The following SYNE2 variants were observed in gnomAD, a reference collection of about 807,000 sequenced individuals.
SYNE2 encodes the protein nesprin-2.
Under a neutral mutation model 856.3 loss-of-function variants are expected in SYNE2, and 431 were observed. The observed-to-expected ratio is 0.50, with a 90% CI of 0.47 to 0.55. The LOEUF (loss-of-function observed/expected upper bound fraction) is 0.55. Among genes scored for constraint, SYNE2 ranks in the 20% least tolerant of loss-of-function variants. The pLI, the probability that SYNE2 is intolerant of heterozygous loss-of-function variation, is 0.00. For synonymous variants in SYNE2, 2,923 were observed against 2,872.3 expected (o/e 1.02, Z -0.56); for missense variants, 8,129 against 8,023.2 (o/e 1.01, Z -0.50).
chr14:64,038,662 G>A (rs1046662306), intron 45 of SYNE2, among the ~76,000 whole-genome samples: 5 of 152,226 alleles, frequency 3.3e-5, no homozygotes, highest in Admixed American at 1.3e-4. Context: ...CCAACACAGC[G>A]AAACCCGGTC....
chr14:64,162,260 C>A lies in SYNE2; in HGVS notation c.16283C>A (p.Ala5428Asp). 6.2e-7 allele frequency: 1 copy of A among 1,614,164 alleles called. No homozygotes were observed. Among genetic ancestry groups the A allele is most frequent in the Non-Finnish European group, 8.5e-7 (1 of 1,180,014 alleles). ...GNNLAEILPPALQDIKELQHD... is the reference protein window; with the variant it reads ...GNNLAEILPPDLQDIKELQHD... Reference sequence around the variant, plus strand: ...AACCTGGCAGAGATCCTGCCCCCAGCCCTGCAGGACATAAAGGTGGGTACA... The same window carrying A: ...AACCTGGCAGAGATCCTGCCCCCAGACCTGCAGGACATAAAGGTGGGTACA... Residue 5428 changes from alanine to aspartate, a missense_variant, in exon 88 of 116, where the codon GCC (alanine) becomes GAC (aspartate). By Grantham distance (126) the Ala-to-Asp change is moderately radical. This residue lies in a region of SYNE2 where 5,410 missense variants were observed against 5,284.8 expected (regional missense o/e 1.02). Coordinates refer to ENST00000555002, the MANE Select transcript of SYNE2 (RefSeq NM_182914.3).
rs953286663 is a variant in SYNE2, at chr14:63,940,623, A to T, written c.89A>T (p.Glu30Val). The T allele has an allele frequency of 2.5e-6, 4 of 1,614,032 alleles. No homozygotes were observed. In the African/African-American group the frequency reaches 4.0e-5, roughly 16 times the overall value. ...GTTCTTTCTTTGATAGCTGAACAGG[A>T]AGACACCCAGAAGAAAGCCTTCACG... ...DLHISLQAEQ[E>V]DTQKKAFTCW... The change falls in exon 3 of 116, where the codon GAA (glutamate) becomes GTA (valine). Residue 30 changes from glutamate to valine, a missense_variant. Physicochemically the swap from Glu to Val is moderately radical, Grantham distance 121 (BLOSUM62 -2). Transcript: ENST00000555002.
chr14:64,126,496 G>A lies in SYNE2; in HGVS notation c.13707+17G>A, dbSNP rs190625160. 1.1e-4 allele frequency: 183 copies of A among 1,614,100 alleles called. No individual in the cohort carries two copies. Among genetic ancestry groups the A allele is most frequent in the Admixed American group, 7.2e-4 (43 of 60,014 alleles). On this transcript the variant is annotated intron_variant, in intron 72 of 115. Transcript: ENST00000555002. ...CACTACGAGGTAGGGCACTTCTCAC[G>A]AGCCCATGTGTTGGCCATTACAGCA...
Position 64,053,000 on chromosome 14 carries a change from G to A in SYNE2, c.9087G>A (p.Lys3029=), listed in dbSNP as rs1261994080. The A allele has an allele frequency of 1.9e-6, 3 of 1,611,322 alleles. No homozygotes were observed. The highest frequency in any genetic ancestry group is 4.5e-5 in the East Asian group (2 of 44,866). The stretch of plus-strand genomic sequence containing the variant: ...AAACCCAAGTATTTGAAAAAGAAAA[G>A]GAACTTGAAGAAAAAATTAAGCAGT... ...QLQTQVFEKE[K]ELEEKIKQLD... Residue 3029 remains lysine, a synonymous_variant, in exon 48 of 116, where the codon AAG becomes AAA. Transcript: ENST00000555002.
chr14:64,131,092 C>T (rs1224001921), intron 76 of SYNE2, among the ~76,000 whole-genome samples: 2 of 151,972 alleles, frequency 1.3e-5, no homozygotes, highest in Admixed American at 6.6e-5. Flanking sequence ...CTGAGGTAAG[C>T]TTATGGTCTA....
At chr14:63,954,994 A>G (rs2096222459) in intron 8 of SYNE2, 79 bp downstream of exon 8, 1 of 1,191,972 alleles carries the variant, frequency 8.4e-7, no homozygotes. Context: ...CTATACATGA[A>G]TAAACATAGT....
At chr14:64,186,081 G>A (rs1444440042) in intron 96 of SYNE2, among the ~76,000 whole-genome samples, 2 of 152,120 alleles carry the variant, frequency 1.3e-5, no homozygotes, top group Non-Finnish European at 2.9e-5. Flanking sequence ...AATTGTATGT[G>A]TGCATGTGTG....
intron 100 of SYNE2, among the ~76,000 whole-genome samples, chr14:64,204,609 A>G (rs2098596473): frequency 6.6e-6 from 1 of 152,168 alleles, no homozygotes; most frequent in African/African-American, 2.4e-5. Context: ...AATGGCACAT[A>G]ATTTCAATCT....
intron 94 of SYNE2, among the ~76,000 whole-genome samples, chr14:64,173,082 C>G (rs1161118838): frequency 6.6e-6 from 1 of 152,184 alleles, no homozygotes; most frequent in Admixed American, 6.5e-5. Context: ...AACAATCATT[C>G]TCCTTGGTGA....
At chr14:64,137,487 GTGA>G (rs2098103559) in intron 78 of SYNE2, among the ~76,000 whole-genome samples, 1 of 152,148 alleles carries the variant, frequency 6.6e-6, no homozygotes, top group Non-Finnish European at 1.5e-5. Flanking sequence ...CAGACCTCAG[GTGA>G]TCTGCCTGCC....
chr14:64,120,195 A>G (rs1473751698), intron 67 of SYNE2, among the ~76,000 whole-genome samples: 1 of 152,224 alleles, frequency 6.6e-6, no homozygotes, highest in Non-Finnish European at 1.5e-5. Context: ...TGTTCACAGA[A>G]ATAAGACTGG....
chr14:63,859,101 G>C (rs1453994317), intron 1 of SYNE2, among the ~76,000 whole-genome samples: 2 of 152,156 alleles, frequency 1.3e-5, no homozygotes, highest in African/African-American at 4.8e-5. Flanking sequence ...GGGACGAGGG[G>C]CATTTGTTCC....
chr14:64,110,595 C>A (rs1227227635), intron 65 of SYNE2, among the ~76,000 whole-genome samples: 5 of 140,974 alleles, frequency 3.5e-5, no homozygotes, highest in Non-Finnish European at 6.1e-5. Context: ...TACACCCCCC[C>A]CCCCCCGCCA....
At chr14:63,999,171 T>A (rs1422797513) in intron 27 of SYNE2, 131 bp downstream of exon 27, 1 of 919,548 alleles carries the variant, frequency 1.1e-6, no homozygotes, top group African/African-American at 1.7e-5. Flanking sequence ...CTTTGCTGGA[T>A]TGCATTTCTA....
At chr14:63,982,945 A>T in intron 17 of SYNE2, 151 bp downstream of exon 17, 3 of 797,932 alleles carry the variant, frequency 3.8e-6, no homozygotes, top group Non-Finnish European at 6.0e-6. Context: ...TTATTACTTC[A>T]TAAGGAAACC....
intron 84 of SYNE2, 129 bp downstream of exon 84, chr14:64,146,352 T>A (rs1373644707): frequency 1.2e-6 from 1 of 844,056 alleles, no homozygotes. Context: ...ACTTATTTTC[T>A]TATGTCAATT....
intron 26 of SYNE2, among the ~76,000 whole-genome samples, 169 bp from the exon 27 acceptor site, chr14:63,998,745 T>C (rs1269112112): frequency 1.3e-5 from 2 of 152,100 alleles, no homozygotes; most frequent in African/African-American, 2.4e-5. Context: ...GTAGTTTTAG[T>C]AGAGATGAGG....
At chr14:63,808,141 T>C (rs887796838) in intron 1 of SYNE2, among the ~76,000 whole-genome samples, 1 of 151,340 alleles carries the variant, frequency 6.6e-6, no homozygotes, top group Non-Finnish European at 1.5e-5. Context: ...TTGCCCATAC[T>C]GGTCTCAAAG....
At chr14:63,958,807 T>A (rs1566910744) in intron 8 of SYNE2, among the ~76,000 whole-genome samples, 1 of 152,246 alleles carries the variant, frequency 6.6e-6, no homozygotes, top group Non-Finnish European at 1.5e-5. Flanking sequence ...TTTATTTCTA[T>A]CAGTATGGAC....
Sources: gnomAD v4.1 joint callset for allele counts (sites outside exome capture counted in the v4.1 genomes callset) on GRCh38, gnomAD v4.1.1 for gene constraint, gnomAD v4.1.1 regional missense constraint, MANE v1.5 for transcripts, NCBI Gene and HGNC (gene_info 2026-07-23, HGNC 2026-07-21) for gene names.